The following CFH variants were observed in gnomAD, a reference collection of about 807,000 sequenced individuals.
The protein encoded by CFH is complement factor H, also known as H factor 1 (complement).
In CFH, 53 loss-of-function variants were observed where a neutral mutation model predicts 147.3. That is an observed-to-expected ratio of 0.36 (90% CI 0.29 to 0.45). CFH has a LOEUF of 0.45. Ranked by LOEUF, CFH falls within the 20% of genes least tolerant of loss-of-function variation. The probability of loss-of-function intolerance (pLI) is 1.00; values close to 1 mark genes in which losing one functional copy is unlikely to be tolerated. For missense variants in CFH, 1,380 were observed against 1,498.0 expected (o/e 0.92, Z 1.30); for synonymous variants, 536 against 489.4 (o/e 1.10, Z -1.26).
rs557093776 is a variant in CFH at position 196,662,991 on chromosome 1, C to T, written c.59-9987C>T. On this transcript the variant is annotated intron_variant, in intron 1 of 21. Transcript: ENST00000367429. The stretch of plus-strand genomic sequence containing the variant: ...TCCTGAAAATGGAAGTGATTAATAC[C>T]TGGTGGCGTCTGCTATTGCTATTGA... Among the ~76,000 whole-genome samples the T allele has an allele frequency of 3.3e-5, 5 of 152,100 alleles. No homozygotes were observed. In the South Asian group the frequency reaches 1.0e-3, roughly 32 times the overall value.
At chr1:196,697,268 C>A (rs566363948) in intron 9 of CFH, among the ~76,000 whole-genome samples, 1 of 152,020 alleles carries the variant, frequency 6.6e-6, no homozygotes, top group South Asian at 2.1e-4. Flanking sequence ...TGACAAAGGG[C>A]TAATATCCAG....
chr1:196,655,514 A>G (rs1666656547), intron 1 of CFH, among the ~76,000 whole-genome samples: 1 of 152,246 alleles, frequency 6.6e-6, no homozygotes. Flanking sequence ...ATATAAGTTC[A>G]AAAGCAGATT....
intron 16 of CFH, 79 bp downstream of exon 16, chr1:196,737,085 G>T (rs989324628): frequency 1.3e-5 from 16 of 1,247,504 alleles, no homozygotes; most frequent in Non-Finnish European, 1.6e-5. Flanking sequence ...AAACAAGAGA[G>T]AAGTTCTTTC....
intron 14 of CFH, among the ~76,000 whole-genome samples, chr1:196,727,785 C>T (rs1422133542): frequency 6.6e-6 from 1 of 152,114 alleles, no homozygotes; most frequent in Non-Finnish European, 1.5e-5. Context: ...CCCTCTACAT[C>T]AGTGGTATAG....
In CFH at chr1:196,737,468, C is replaced by G; in HGVS notation, c.2597-7C>G. ...TTTTAACCCTTTGATTTTCATTCTT[C>G]ATTTAGAAAAAATTCCATGTTCACA... On this transcript the variant is annotated splice_region_variant and splice_polypyrimidine_tract_variant and intron_variant, in intron 16 of 21. Transcript: ENST00000367429. 2 of 1,602,212 alleles carry G rather than the reference C, an allele frequency of 1.2e-6. No individual in the cohort carries two copies. The highest frequency in any genetic ancestry group is 1.7e-6 in the Non-Finnish European group (2 of 1,170,646).
intron 9 of CFH, among the ~76,000 whole-genome samples, chr1:196,712,446 G>A (rs1052378803): frequency 1.3e-5 from 2 of 150,782 alleles, no homozygotes; most frequent in Non-Finnish European, 3.0e-5. Context: ...AGGATTGTTC[G>A]AGTGTCATCT....
At chr1:196,687,561 A>G (rs747177081) in intron 7 of CFH, among the ~76,000 whole-genome samples, 16 of 152,086 alleles carry the variant, frequency 1.1e-4, no homozygotes, top group Non-Finnish European at 2.2e-4. Flanking sequence ...TTTGAAATCA[A>G]CCACAAGCTT....
intron 9 of CFH, among the ~76,000 whole-genome samples, chr1:196,704,289 T>C (rs1158461102): frequency 1.3e-5 from 2 of 152,048 alleles, no homozygotes; most frequent in African/African-American, 4.8e-5. Flanking sequence ...GAGACAGGGT[T>C]TCACCATGTT....
chr1:196,671,694 G>A (rs1021419994), intron 1 of CFH, among the ~76,000 whole-genome samples: 4 of 148,900 alleles, frequency 2.7e-5, no homozygotes, highest in African/African-American at 9.8e-5. Context: ...CTATATATGT[G>A]TGTACATATA....
At chr1:196,706,381 G>T (rs990330661) in intron 9 of CFH, among the ~76,000 whole-genome samples, 3 of 152,116 alleles carry the variant, frequency 2.0e-5, no homozygotes, top group Non-Finnish European at 2.9e-5. Flanking sequence ...ATGGACATCA[G>T]TGGATGGACA....
intron 14 of CFH, among the ~76,000 whole-genome samples, chr1:196,727,963 G>A (rs746096605): frequency 2.2e-4 from 34 of 152,228 alleles, no homozygotes; most frequent in South Asian, 2.1e-4. Context: ...ATGACTAACC[G>A]GGAGGATCTT....
At chr1:196,654,270 A>AG (rs1428234812) in intron 1 of CFH, among the ~76,000 whole-genome samples, 1 of 152,164 alleles carries the variant, frequency 6.6e-6, no homozygotes, top group African/African-American at 2.4e-5. Context: ...TTCAAAAAAA[A>AG]CACTATTCAT....
intron 15 of CFH, among the ~76,000 whole-genome samples, chr1:196,733,088 C>A (rs971980749): frequency 6.6e-6 from 1 of 151,950 alleles, no homozygotes; most frequent in Non-Finnish European, 1.5e-5. Context: ...AAGTGATGAC[C>A]TTTGAATGCA....
Position 196,691,131 on chromosome 1 carries a change from A to G in CFH, c.1336+892A>G, listed in dbSNP as rs10801555. 0.64 allele frequency among the ~76,000 whole-genome samples: 97,846 copies of G among 151,876 alleles called. 31,974 individuals are homozygous for G. Among genetic ancestry groups the G allele is most frequent in the East Asian group, 0.95 (4,878 of 5,144 alleles). On this transcript the variant is annotated intron_variant, in intron 9 of 21. Transcript: ENST00000367429. ...CTGTACCCTCATTATCTGCCTAAAC[A>G]ATTTTTTCTCAACTCCTATATCAAT... is the stretch of plus-strand genomic sequence containing the variant.
At chr1:196,729,498 T>G (rs1467854161) in intron 15 of CFH, among the ~76,000 whole-genome samples, 1 of 152,018 alleles carries the variant, frequency 6.6e-6, no homozygotes, top group Non-Finnish European at 1.5e-5. Flanking sequence ...TTTCCTAGTA[T>G]AGTGTTGAGG....
intron 21 of CFH, among the ~76,000 whole-genome samples, chr1:196,746,593 A>T (rs1008636045): frequency 3.9e-4 from 60 of 152,328 alleles, no homozygotes; most frequent in African/African-American, 1.3e-3. Context: ...CCACAAATTA[A>T]TTAGCACATT....
At chr1:196,654,159 G>A (rs989458453) in intron 1 of CFH, among the ~76,000 whole-genome samples, 1 of 151,934 alleles carries the variant, frequency 6.6e-6, no homozygotes, top group African/African-American at 2.4e-5. Flanking sequence ...ATTGAATACT[G>A]AATACCAAAT....
intron 11 of CFH, among the ~76,000 whole-genome samples, chr1:196,723,340 C>A (rs393955): frequency 0.66 from 99,577 of 151,956 alleles, 33,394 homozygotes; most frequent in East Asian, 0.95. Context: ...GTTTGAGTAC[C>A]TTGGTTAGAG....
chr1:196,721,818 T>TTG (rs201025532), intron 11 of CFH, among the ~76,000 whole-genome samples: 1,609 of 151,692 alleles, frequency 0.011, 26 homozygotes, highest in African/African-American at 0.037. Context: ...TCTTGTCTTT[T>TTG]TTTTCTTGTT....
Sources: gnomAD v4.1 joint callset for allele counts (sites outside exome capture counted in the v4.1 genomes callset) on GRCh38, gnomAD v4.1.1 for gene constraint, MANE v1.5 for transcripts, NCBI Gene and HGNC (gene_info 2026-07-23, HGNC 2026-07-21) for gene names.